The following NUP88 variants were observed in gnomAD, a reference collection of about 807,000 sequenced individuals.
NUP88 encodes the protein nuclear pore complex protein Nup88.
Under a neutral mutation model 93.9 loss-of-function variants are expected in NUP88, and 57 were observed. The observed-to-expected ratio is 0.61, with a 90% confidence interval of 0.49 to 0.76. The LOEUF is 0.76. Ranked by LOEUF, NUP88 falls within the 30% of genes least tolerant of loss-of-function variation. The pLI, the probability that NUP88 is intolerant of heterozygous loss-of-function variation, is 0.00. For missense variants in NUP88, 911 were observed against 901.0 expected (o/e 1.01, Z -0.14); for synonymous variants, 346 against 336.8 (o/e 1.03, Z -0.30).
intron 10 of NUP88, 172 bp downstream of exon 10, chr17:5,391,389 C>T: frequency 1.7e-6 from 1 of 586,314 alleles, no homozygotes; most frequent in East Asian, 2.9e-5. Context: ...TACAATGAAA[C>T]CTTATAGAGA....
rs1222720639 is a variant in NUP88, at chr17:5,404,182, T to A, written c.1109A>T (p.Glu370Val). The change falls in exon 7 of 17, where the codon GAG becomes GTG. Residue 370 changes from glutamate (E) to valine (V), a missense_variant. Glu to Val is a moderately radical substitution (Grantham distance 121, BLOSUM62 -2). Transcript: ENST00000573584. ...TGCCAGTTTCAAAGCAAGCTCCAACTCAACACATTCAAACACATACAGAGA... is the reference window on the plus strand; with the variant it reads ...TGCCAGTTTCAAAGCAAGCTCCAACACAACACATTCAAACACATACAGAGA... ...IPSLYVFECV[E>V]LELALKLASG... The A allele has an allele frequency of 6.2e-7, 1 of 1,613,976 alleles. No individual in the cohort carries two copies. Among genetic ancestry groups the A allele is most frequent in the Non-Finnish European group, 8.5e-7 (1 of 1,179,902 alleles).
intron 11 of NUP88, 171 bp from the exon 12 acceptor site, chr17:5,388,075 AC>A: frequency 1.9e-6 from 1 of 528,386 alleles, no homozygotes; most frequent in Non-Finnish European, 3.1e-6. Flanking sequence ...ATCTCGGCTC[AC>A]TGCAACCTCC....
chr17:5,399,142 C>T (rs1022770145), intron 8 of NUP88, among the ~76,000 whole-genome samples: 10 of 146,920 alleles, frequency 6.8e-5, no homozygotes, highest in Non-Finnish European at 1.2e-4. Context: ...CCACCCACCT[C>T]GGCCTCCCAA....
At chr17:5,403,702 T>C (rs1156598354) in intron 7 of NUP88, among the ~76,000 whole-genome samples, 1 of 152,116 alleles carries the variant, frequency 6.6e-6, no homozygotes, top group African/African-American at 2.4e-5. Flanking sequence ...GGTCTGTCGA[T>C]GGACACAGGT....
chr17:5,413,991 G>C lies in NUP88; in HGVS notation c.593+18C>G, dbSNP rs770706949. ...CTTTCCCACTCGCAAGGCTTCAAGAGAGAGAAATAAAATTTACCTGATTAC... is the reference window on the plus strand; with the variant it reads ...CTTTCCCACTCGCAAGGCTTCAAGACAGAGAAATAAAATTTACCTGATTAC... On this transcript the variant is annotated intron_variant, in intron 3 of 16. Coordinates refer to ENST00000573584, the MANE Select transcript of NUP88 (RefSeq NM_002532.6). The C allele has an allele frequency of 6.2e-7, 1 of 1,612,108 alleles. No homozygotes were observed. Among genetic ancestry groups the C allele is most frequent in the South Asian group, 1.1e-5 (1 of 90,980 alleles).
chr17:5,410,428 A>G (rs1425470330), intron 4 of NUP88, among the ~76,000 whole-genome samples: 2 of 152,188 alleles, frequency 1.3e-5, no homozygotes, highest in Non-Finnish European at 2.9e-5. Context: ...TAGTTTCTTT[A>G]TCACATAGAA....
chr17:5,387,992 C>A, intron 11 of NUP88, 88 bp from the exon 12 acceptor site: 1 of 1,328,732 alleles, frequency 7.5e-7, no homozygotes, highest in Non-Finnish European at 1.0e-6. Context: ...GCTTTTTAAA[C>A]TTTTTATATT....
In NUP88 at chr17:5,388,951, G is replaced by T; in HGVS notation, c.1494C>A (p.Val498=). 1 of 1,606,482 alleles carries T rather than the reference G, an allele frequency of 6.2e-7. No homozygotes were observed. Among genetic ancestry groups the T allele is most frequent in the Non-Finnish European group, 8.5e-7 (1 of 1,176,578 alleles). The change falls in exon 11 of 17, where the codon GTC becomes GTA. Residue 498 remains valine (V), a synonymous_variant. Transcript: ENST00000573584. ...ECLIWPLLST[V]HPASPPLLCT... ...AAAGCAGGGGAGGAGACGCTGGATG[G>T]ACTGTACTTCTGCAAAATAAGTAAG...
At chr17:5,391,889 G>A (rs1237560171) in intron 9 of NUP88, among the ~76,000 whole-genome samples, 1 of 152,124 alleles carries the variant, frequency 6.6e-6, no homozygotes, top group Non-Finnish European at 1.5e-5. Context: ...ACTGTAGCGT[G>A]CTGCTGACTG....
chr17:5,393,435 CTTT>C lies in NUP88; in HGVS notation c.1382+1453_1382+1455del, dbSNP rs35265554. ...TTATGTATTTTCCTTGTTCACTTTTCTTTTTTTTTTTTTTTTTTTGAGATGGAG... is the reference window on the plus strand; with the variant it reads ...TTATGTATTTTCCTTGTTCACTTTTCTTTTTTTTTTTTTTTTGAGATGGAG... On this transcript the variant is annotated intron_variant, in intron 9 of 16. Transcript: ENST00000573584. 5.2e-4 allele frequency among the ~76,000 whole-genome samples: 63 copies of C among 121,686 alleles called. 1 individual carries two copies. The East Asian group carries it at 0.013, about 25-fold the overall frequency. 79.8% of individuals were successfully genotyped at this position (121,686 alleles called of 152,430 possible).
At chr17:5,414,500 G>A (rs934526974) in intron 2 of NUP88, among the ~76,000 whole-genome samples, 15 of 152,064 alleles carry the variant, frequency 9.9e-5, no homozygotes, top group African/African-American at 3.6e-4. Context: ...AGGCCCTGAA[G>A]AAATTTCTAT....
intron 7 of NUP88, among the ~76,000 whole-genome samples, chr17:5,400,448 A>G (rs1401321195): frequency 6.8e-6 from 1 of 146,360 alleles, no homozygotes; most frequent in East Asian, 2.0e-4. Flanking sequence ...GTGAGCCGAG[A>G]TTGCGCCACT....
intron 8 of NUP88, among the ~76,000 whole-genome samples, chr17:5,395,525 T>G (rs112713647): frequency 0.014 from 1,962 of 142,312 alleles, 38 homozygotes; most frequent in African/African-American, 0.048. Context: ...GATACTCAAT[T>G]TATAACAGCT....
At position 5,386,693 on chromosome 17, in the gene NUP88, G is replaced by C; in HGVS notation, c.2162+15C>G. On this transcript the variant is annotated intron_variant, in intron 16 of 16. Transcript: ENST00000573584. ...ACTATCTCACGATAATAGCTGATTG[G>C]AAGTATTTACTTACTCCTCTTTCAG... 1.4e-6 allele frequency: 2 copies of C among 1,453,758 alleles called. No individual in the cohort carries two copies. The highest frequency in any genetic ancestry group is 1.9e-6 in the Non-Finnish European group (2 of 1,034,434). 90.1% of individuals were successfully genotyped at this position (1,453,758 alleles called of 1,614,324 possible).
intron 7 of NUP88, among the ~76,000 whole-genome samples, chr17:5,403,243 C>T (rs930232381): frequency 6.6e-6 from 1 of 151,700 alleles, no homozygotes; most frequent in Non-Finnish European, 1.5e-5. Context: ...TTTGTGAGGT[C>T]GAGGTGGGCG....
At position 5,394,957 on chromosome 17, in the gene NUP88, T is replaced by C; in HGVS notation, c.1316A>G (p.Gln439Arg). 2 of 1,611,306 alleles carry C rather than the reference T, an allele frequency of 1.2e-6. No homozygotes were observed. Among genetic ancestry groups the C allele is most frequent in the Non-Finnish European group, 8.5e-7 (1 of 1,177,376 alleles). Residue 439 changes from glutamine (Q) to arginine (R), a missense_variant, in exon 9 of 17, where the codon CAG becomes CGG. Coordinates refer to ENST00000573584, the MANE Select transcript of NUP88 (RefSeq NM_002532.6). The part of the protein sequence containing the change: ...GSDEEDKDSL[Q>R]ELSTEQKCFV... ...GCATTTCTGTTCTGTAGAGAGTTCC[T>C]GTAAACTATCCTTATCTTCTTCATC...
At position 5,385,751 on chromosome 17, in the gene NUP88, T is replaced by G. The variant is rs1911904550; in HGVS notation, c.*455A>C. The G allele has an allele frequency of 5.6e-5, 13 of 232,196 alleles. No individual in the cohort carries two copies. Among genetic ancestry groups the G allele is most frequent in the Non-Finnish European group, 1.7e-5 (2 of 117,608 alleles). The allele number at this position is 232,196 out of a possible 1,614,324, so 14.4% of individuals were successfully genotyped here. On this transcript the variant is annotated 3_prime_UTR_variant, in exon 17 of 17. Coordinates refer to ENST00000573584, the MANE Select transcript of NUP88 (RefSeq NM_002532.6). ...ATTTCAGGTGTAACCATTTGTTAAC[T>G]GTACTGAAGGTGTGTCCTCAAGAAG...
chr17:5,414,953 C>T (rs1914052075), intron 2 of NUP88, among the ~76,000 whole-genome samples: 1 of 150,686 alleles, frequency 6.6e-6, no homozygotes, highest in South Asian at 2.1e-4. Flanking sequence ...GGCTACAGAG[C>T]CAGACTCTGT....
In NUP88 at chr17:5,389,320, A is replaced by G. The variant is rs565991090; in HGVS notation, c.1485-360T>C. ...TTAGGTTTAGAGTTGATCAAAACCA[A>G]TATTAAGCCAAGAAACTGCTGTATA... On this transcript the variant is annotated intron_variant, in intron 10 of 16. Coordinates refer to ENST00000573584, the MANE Select transcript of NUP88 (RefSeq NM_002532.6). Among the ~76,000 whole-genome samples, 3 of 152,386 alleles carry G rather than the reference A, an allele frequency of 2.0e-5. No homozygotes were observed. In the South Asian group the frequency reaches 6.2e-4, roughly 32 times the overall value.
Sources: gnomAD v4.1 joint callset for allele counts (sites outside exome capture counted in the v4.1 genomes callset) on GRCh38, gnomAD v4.1.1 for gene constraint, MANE v1.5 for transcripts, NCBI Gene and HGNC (gene_info 2026-07-23, HGNC 2026-07-21) for gene names.